The following KASH5 variants were observed in gnomAD, a reference collection of about 807,000 sequenced individuals.
KASH5 encodes KASH domain containing 5, also known as protein KASH5.
Under a neutral mutation model 84.2 loss-of-function variants are expected in KASH5, and 72 were observed. The ratio of observed to expected loss-of-function variants is 0.85; its 90% CI spans 0.71 to 1.04. KASH5 has a LOEUF of 1.04. KASH5 is among the 50% of genes least tolerant of loss of function. KASH5 has a pLI of 0.00. For synonymous variants in KASH5, 260 were observed against 279.1 expected (o/e 0.93, Z 0.68); for missense variants, 650 against 701.0 (o/e 0.93, Z 0.82).
Position 49,399,340 on chromosome 19 carries a change from G to C in KASH5, c.748-117G>C. On this transcript the variant is annotated intron_variant, in intron 8 of 19. Transcript: ENST00000447857. This position sits in a 1 kb window ranked among gnomAD's most constrained non-coding sequence, Gnocchi z 4.4. Reference sequence around the variant, plus strand: ...ACAAAGGAGACAGCAGGAGCCATCAGGGCTTCCCAGACCCATTCCCCCAGG... The same window carrying C: ...ACAAAGGAGACAGCAGGAGCCATCACGGCTTCCCAGACCCATTCCCCCAGG... 1 of 1,095,186 alleles carries C rather than the reference G, an allele frequency of 9.1e-7. No individual in the cohort carries two copies. The highest frequency in any genetic ancestry group is 1.6e-5 in the African/African-American group (1 of 64,120). The allele number at this position is 1,095,186 out of a possible 1,614,324, so 67.8% of individuals were successfully genotyped here.
intron 7 of KASH5, 102 bp from the exon 8 acceptor site, chr19:49,398,923 C>T: frequency 2.3e-6 from 2 of 879,054 alleles, no homozygotes. Context: ...TGCCTACCAC[C>T]TGGGATCTCT....
At chr19:49,396,408 C>G (rs1974184169) in intron 5 of KASH5, among the ~76,000 whole-genome samples, 1 of 152,144 alleles carries the variant, frequency 6.6e-6, no homozygotes, top group Non-Finnish European at 1.5e-5. Context: ...GCATGCACCA[C>G]CACGCCCAGC....
At chr19:49,415,948 C>T (rs981188498) in intron 17 of KASH5, among the ~76,000 whole-genome samples, 1 of 152,116 alleles carries the variant, frequency 6.6e-6, no homozygotes, top group African/African-American at 2.4e-5. Context: ...GCCAAAGACC[C>T]ATAGAGGGGA....
Position 49,395,335 on chromosome 19 carries a change from A to G in KASH5, c.335+43A>G. 1.3e-6 allele frequency: 2 copies of G among 1,594,580 alleles called. No individual in the cohort carries two copies. The highest frequency in any genetic ancestry group is 1.7e-6 in the Non-Finnish European group (2 of 1,168,608). On this transcript the variant is annotated intron_variant, in intron 4 of 19. Coordinates refer to ENST00000447857, the MANE Select transcript of KASH5 (RefSeq NM_144688.5). This position sits in a 1 kb window ranked among gnomAD's most constrained non-coding sequence, Gnocchi z 4.4. ...CATCCTCCTCTGGGAAGTCCTTCCTAAGATCTAACCTCATACCTGCTTACT... is the reference window on the plus strand; with the variant it reads ...CATCCTCCTCTGGGAAGTCCTTCCTGAGATCTAACCTCATACCTGCTTACT...
Position 49,398,215 on chromosome 19 carries a change from C to A in KASH5, c.629+72C>A, listed in dbSNP as rs563176201. The A allele has an allele frequency of 3.2e-5, 44 of 1,365,782 alleles. No homozygotes were observed. In the African/African-American group the frequency reaches 6.0e-4, roughly 19 times the overall value. The allele number at this position is 1,365,782 out of a possible 1,614,324, so 84.6% of individuals were successfully genotyped here. A position where few individuals can be genotyped will look rare whatever the true frequency, so the allele number is the denominator to read the frequency against. ...CCTCCCTGCAGCAGCCGGCCTCTAT[C>A]TCCCATGCTCGTGTCTGCATCCTGC... On this transcript the variant is annotated intron_variant, in intron 7 of 19. Transcript: ENST00000447857.
intron 3 of KASH5, 57 bp downstream of exon 3, chr19:49,394,637 G>A: frequency 7.5e-7 from 1 of 1,333,076 alleles, no homozygotes; most frequent in Admixed American, 1.7e-5. Flanking sequence ...GGTGGAGGCT[G>A]GGAACTGGGG....
chr19:49,413,397 A>G (rs1319376521), intron 16 of KASH5, among the ~76,000 whole-genome samples: 1 of 152,014 alleles, frequency 6.6e-6, no homozygotes, highest in African/African-American at 2.4e-5. Context: ...TTGGGATGTG[A>G]TTGTTAGGAG....
At position 49,395,801 on chromosome 19, in the gene KASH5, AG is replaced by A; in HGVS notation, c.371del (p.Gly124GlufsTer3). 1 of 1,565,600 alleles carries A rather than the reference AG, an allele frequency of 6.4e-7. No individual in the cohort carries two copies. Among genetic ancestry groups the A allele is most frequent in the Non-Finnish European group, 8.7e-7 (1 of 1,155,074 alleles). On this transcript the variant is annotated frameshift_variant, in exon 5 of 20. Transcript: ENST00000447857. LOFTEE classifies it high-confidence loss of function. This position sits in a 1 kb window ranked among gnomAD's most constrained non-coding sequence, Gnocchi z 4.4. ...GLELEEETAFQGALTSRQLPS... is the reference protein window; with the variant it reads ...GLELEEETAFXGALTSRQLPS... The stretch of plus-strand genomic sequence containing the variant: ...GAGCTGGAAGAGGAGACCGCCTTCC[AG>A]GGAGCCCTGACCTCCCGGCAACTGC...
chr19:49,396,263 T>G (rs1415696811), intron 5 of KASH5, among the ~76,000 whole-genome samples: 3 of 93,178 alleles, frequency 3.2e-5, no homozygotes, highest in Non-Finnish European at 6.9e-5. Flanking sequence ...TTTTTTTTTT[T>G]TTTTTTTGAG....
intron 5 of KASH5, 143 bp from the exon 6 acceptor site, chr19:49,397,508 A>T (rs1212029737): frequency 1.4e-6 from 1 of 704,286 alleles, no homozygotes; most frequent in African/African-American, 1.8e-5. Context: ...TACAGTGGGT[A>T]TAACTGCAGC....
At chr19:49,394,945 A>C in intron 3 of KASH5, 161 bp from the exon 4 acceptor site, 1 of 607,176 alleles carries the variant, frequency 1.6e-6, no homozygotes, top group Non-Finnish European at 2.9e-6. Flanking sequence ...GAAAAAGTGG[A>C]CTCAGAGGAG....
Position 49,407,245 on chromosome 19 carries a change from G to A in KASH5, c.882G>A (p.Gln294=). 6.2e-7 allele frequency: 1 copy of A among 1,613,644 alleles called. No homozygotes were observed. The highest frequency in any genetic ancestry group is 1.1e-5 in the South Asian group (1 of 91,070). The change falls in exon 11 of 20, where the codon CAG becomes CAA. Residue 294 remains glutamine (Q), a synonymous_variant. Transcript: ENST00000447857. The part of the protein sequence containing the change: ...LAMEKDTLKR[Q]LFECEHLICQ... ...ACCGGCTCCTTTCTTGGCAGCGGCA[G>A]CTCTTTGAGTGTGAACACCTCATTT...
chr19:49,396,630 A>G (rs1974191494), intron 5 of KASH5, among the ~76,000 whole-genome samples: 1 of 152,140 alleles, frequency 6.6e-6, no homozygotes, highest in Non-Finnish European at 1.5e-5. Context: ...GCTCACTCCT[A>G]GACTTGTAGG....
Position 49,417,046 on chromosome 19 carries a change from G to A in KASH5, c.1406G>A (p.Arg469His), listed in dbSNP as rs201862758. Residue 469 changes from arginine (R) to histidine (H), a missense_variant, in exon 18 of 20, where the codon CGC becomes CAC. Arg to His is a conservative substitution (Grantham distance 29). Transcript: ENST00000447857. The surrounding 1 kb of genome is among the most constrained non-coding windows in gnomAD (Gnocchi z 5.2). ...CTCCCTGTCCCTCTAGGAGCCCCTCGCCCTGGAGACATCCCAGAAAACCCT... is the reference window on the plus strand; with the variant it reads ...CTCCCTGTCCCTCTAGGAGCCCCTCACCCTGGAGACATCCCAGAAAACCCT... ...ADLPVPLGAPRPGDIPENPPE... is the reference protein window; with the variant it reads ...ADLPVPLGAPHPGDIPENPPE... 105 of 1,594,810 alleles carry A rather than the reference G, an allele frequency of 6.6e-5. No homozygotes were observed. Among genetic ancestry groups the A allele is most frequent in the Middle Eastern group, 1.9e-4 (1 of 5,174 alleles).
At chr19:49,415,262 C>A (rs554565380) in intron 17 of KASH5, 5 of 551,892 alleles carry the variant, frequency 9.1e-6, no homozygotes, top group Non-Finnish European at 1.6e-5. Flanking sequence ...GCCACCACAC[C>A]GCAGGCCTCA....
chr19:49,398,856 CCTT>C (rs1974270924), intron 7 of KASH5, among the ~76,000 whole-genome samples, 166 bp from the exon 8 acceptor site: 1 of 152,194 alleles, frequency 6.6e-6, no homozygotes, highest in Non-Finnish European at 1.5e-5. Flanking sequence ...CACCAGGTCT[CCTT>C]CTCCTCTTTT....
intron 15 of KASH5, among the ~76,000 whole-genome samples, chr19:49,410,676 C>T (rs1226853242): frequency 1.3e-5 from 2 of 151,904 alleles, no homozygotes; most frequent in Non-Finnish European, 2.9e-5. Flanking sequence ...TTAGTAGAGA[C>T]GGGGTTTCGC....
chr19:49,388,279 C>G lies in KASH5; in HGVS notation c.-144C>G, dbSNP rs1973872421. The G allele has an allele frequency of 1.3e-5, 2 of 152,288 alleles. No homozygotes were observed. The highest frequency in any genetic ancestry group is 4.8e-5 in the African/African-American group (2 of 41,462). 9.4% of individuals were successfully genotyped at this position (152,288 alleles called of 1,614,324 possible). On this transcript the variant is annotated 5_prime_UTR_variant, in exon 1 of 20. Coordinates refer to ENST00000447857, the MANE Select transcript of KASH5 (RefSeq NM_144688.5). ...CACCTCCCCCAACTCAACTGCCGTT[C>G]GTCGTTCGTGGATGTCCGTTGTGTC...
chr19:49,407,486 T>A, intron 11 of KASH5, 126 bp from the exon 12 acceptor site: 1 of 1,176,164 alleles, frequency 8.5e-7, no homozygotes, highest in Non-Finnish European at 1.2e-6. Context: ...GTGCTCTCCC[T>A]TGTGCCCCAG....
Sources: allele counts gnomAD v4.1 joint callset (sites outside exome capture counted in the v4.1 genomes callset), GRCh38; gene constraint gnomAD v4.1.1; non-coding constraint Gnocchi (gnomAD v3.1); transcripts MANE v1.5; gene names NCBI Gene and HGNC (gene_info 2026-07-23, HGNC 2026-07-21).